Variants in TAB2 observed in about 807,000 individuals in gnomAD.
TAB2 encodes TGF-beta activated kinase 1 (MAP3K7) binding protein 2.
In TAB2, 3 loss-of-function variants were observed where a neutral mutation model predicts 65.0. The observed-to-expected ratio is 0.05, with a 90% confidence interval of 0.02 to 0.12. The LOEUF is 0.12. TAB2 is among the 10% of genes least tolerant of loss of function. The probability of loss-of-function intolerance (pLI) is 1.00; values close to 1 mark genes in which losing one functional copy is unlikely to be tolerated. For missense variants in TAB2, 623 were observed against 840.3 expected, an observed-to-expected ratio of 0.74 and a Z score of 3.20; for synonymous variants, 298 against 285.1, an observed-to-expected ratio of 1.05 and a Z score of -0.46.
intron 1 of TAB2, among the ~76,000 whole-genome samples, chr6:149,306,051 G>A (rs142082771): frequency 1.3e-5 from 2 of 152,172 alleles, no homozygotes; most frequent in South Asian, 4.1e-4. Flanking sequence ...AAGATGAAGG[G>A]AAAGAAGTGG....
intron 2 of TAB2, among the ~76,000 whole-genome samples, chr6:149,374,897 T>G (rs1183246550): frequency 6.6e-6 from 1 of 152,122 alleles, no homozygotes; most frequent in Non-Finnish European, 1.5e-5. Flanking sequence ...AGAAAAAATT[T>G]TAAAAGAGGG....
At chr6:149,268,190 A>T (rs1307569735) in intron 1 of TAB2, among the ~76,000 whole-genome samples, 1 of 151,990 alleles carries the variant, frequency 6.6e-6, no homozygotes, top group African/African-American at 2.4e-5. Context: ...GTGGCCCTCC[A>T]TCCATAGTGC....
chr6:149,329,883 A>G (rs1779732334), intron 1 of TAB2, among the ~76,000 whole-genome samples: 1 of 152,192 alleles, frequency 6.6e-6, no homozygotes, highest in Admixed American at 6.5e-5. Flanking sequence ...GTGGTTCTGT[A>G]ACATTATTAT....
intron 6 of TAB2, among the ~76,000 whole-genome samples, chr6:149,399,940 T>C (rs143026688): frequency 1.3e-5 from 2 of 152,364 alleles, no homozygotes; most frequent in East Asian, 3.9e-4. Flanking sequence ...TATTTTTGTA[T>C]GCATTTGAAG....
intron 1 of TAB2, among the ~76,000 whole-genome samples, chr6:149,239,378 GC>G (rs11315306): frequency 0.32 from 49,078 of 151,960 alleles, 7,977 homozygotes; most frequent in Admixed American, 0.4. Context: ...CAGAGGCTAA[GC>G]CATTTGATGG....
intron 1 of TAB2, among the ~76,000 whole-genome samples, chr6:149,224,785 C>A (rs1028750932): frequency 1.3e-5 from 2 of 152,190 alleles, no homozygotes; most frequent in African/African-American, 4.8e-5. Context: ...TAGGTTAATG[C>A]CATCCTACAT....
intron 1 of TAB2, among the ~76,000 whole-genome samples, chr6:149,226,439 T>C (rs1388969874): frequency 2.0e-5 from 3 of 152,198 alleles, no homozygotes; most frequent in Non-Finnish European, 4.4e-5. Flanking sequence ...CCAATCCCTA[T>C]TCCGTGGTCA....
At chr6:149,355,341 G>A (rs764683726) in intron 1 of TAB2, among the ~76,000 whole-genome samples, 5 of 152,030 alleles carry the variant, frequency 3.3e-5, no homozygotes, top group Non-Finnish European at 5.9e-5. Context: ...AAGCTGTTTG[G>A]TTCTTTTTTG....
chr6:149,390,847 G>C (rs9404034), intron 3 of TAB2, among the ~76,000 whole-genome samples: 18,570 of 152,086 alleles, frequency 0.12, 1,732 homozygotes, highest in East Asian at 0.51. Context: ...TCACTGCAAA[G>C]CCCAGTCATT....
intron 1 of TAB2, among the ~76,000 whole-genome samples, chr6:149,351,630 A>G (rs1780494462): frequency 6.6e-6 from 1 of 152,208 alleles, no homozygotes; most frequent in African/African-American, 2.4e-5. Flanking sequence ...TAGCTACTCT[A>G]TCATCACCAT....
intron 2 of TAB2, 127 bp from the exon 3 acceptor site, chr6:149,377,891 T>G: frequency 1.3e-6 from 1 of 765,688 alleles, no homozygotes; most frequent in Non-Finnish European, 2.1e-6. Flanking sequence ...ACTTCTCAAA[T>G]TTAAATATCC....
At chr6:149,345,962 A>G (rs963040437) in intron 1 of TAB2, among the ~76,000 whole-genome samples, 13 of 152,324 alleles carry the variant, frequency 8.5e-5, no homozygotes, top group Admixed American at 7.8e-4. Flanking sequence ...TAGTGTGGCT[A>G]TGCAATAATG....
chr6:149,361,325 G>A (rs978077868), intron 1 of TAB2, among the ~76,000 whole-genome samples: 5 of 152,196 alleles, frequency 3.3e-5, no homozygotes, highest in Non-Finnish European at 5.9e-5. Flanking sequence ...CTTGCACTGT[G>A]CACACCTGTA....
intron 1 of TAB2, among the ~76,000 whole-genome samples, chr6:149,296,201 G>T (rs1037302388): frequency 1.2e-4 from 18 of 152,330 alleles, no homozygotes; most frequent in Admixed American, 2.6e-4. Flanking sequence ...GTCAGAGGCA[G>T]TTCAAACTGA....
At chr6:149,400,443 A>G in intron 6 of TAB2, 8 of 1,614,252 alleles carry the variant, frequency 5.0e-6, no homozygotes, top group Non-Finnish European at 6.8e-6. Context: ...CAACAATCAT[A>G]TTAATTTGAA....
intron 1 of TAB2, among the ~76,000 whole-genome samples, chr6:149,310,278 A>G (rs1779146324): frequency 6.6e-6 from 1 of 152,198 alleles, no homozygotes; most frequent in South Asian, 2.1e-4. Flanking sequence ...CAGAGGTTGC[A>G]GTGAAGGGAG....
intron 1 of TAB2, among the ~76,000 whole-genome samples, chr6:149,328,695 A>G (rs1779690139): frequency 6.6e-6 from 1 of 152,202 alleles, no homozygotes; most frequent in Non-Finnish European, 1.5e-5. Context: ...GATATGTAAG[A>G]TACAGTTCTT....
chr6:149,276,306 G>C (rs6570961), intron 1 of TAB2, among the ~76,000 whole-genome samples: 75,968 of 152,006 alleles, frequency 0.5, 19,983 homozygotes, highest in East Asian at 0.69. Flanking sequence ...TCTGGAAAGA[G>C]TATTAATATG....
chr6:149,261,918 A>G lies in TAB2; in HGVS notation c.-121+43142A>G, dbSNP rs539893527. On this transcript the variant is annotated intron_variant, in intron 1 of 1. Transcript: ENST00000606202. ...AGCAGTAGCTCTGAATCCAAATTCT[A>G]AAGACCCCAGTTCAGGTCAGGACTC... 4.3e-4 allele frequency among the ~76,000 whole-genome samples: 66 copies of G among 152,370 alleles called. No homozygotes were observed. The South Asian group carries it at 8.1e-3, about 19-fold the overall frequency.
Sources: allele counts gnomAD v4.1 joint callset (sites outside exome capture counted in the v4.1 genomes callset), GRCh38; gene constraint gnomAD v4.1.1; transcripts MANE v1.5; gene names NCBI Gene and HGNC (gene_info 2026-07-23, HGNC 2026-07-21).